FAM118B: variants seen among roughly 807,000 people sequenced by gnomAD.
FAM118B encodes the protein protein FAM118B.
FAM118B carries 24 observed loss-of-function variants against 38.5 expected under a neutral mutation model. That is an observed-to-expected ratio of 0.62 (90% CI 0.45 to 0.88). The LOEUF (loss-of-function observed/expected upper bound fraction) is 0.88. FAM118B is among the 40% of genes least tolerant of loss of function. The pLI is 0.00. For missense variants in FAM118B, 334 were observed against 420.0 expected (o/e 0.80, Z 1.79); for synonymous variants, 138 against 156.3 (o/e 0.88, Z 0.87).
rs186341958 is a variant in FAM118B, at chr11:126,261,729, C to T, written c.1042+245C>T. Among the ~76,000 whole-genome samples the T allele has an allele frequency of 2.0e-3, 300 of 152,286 alleles. 2 individuals carry two copies. The highest frequency in any genetic ancestry group is 6.4e-3 in the African/African-American group (268 of 41,556). Reference sequence around the variant, plus strand: ...TACTGCTGGGTGTGGTGGCTCAGGCCTGTAATCCCAGCACTTTGGGAGGCT... The same window carrying T: ...TACTGCTGGGTGTGGTGGCTCAGGCTTGTAATCCCAGCACTTTGGGAGGCT... On this transcript the variant is annotated intron_variant, in intron 8 of 8. Transcript: ENST00000533050.
At chr11:126,229,998 A>C (rs1950187813) in intron 2 of FAM118B, among the ~76,000 whole-genome samples, 1 of 152,186 alleles carries the variant, frequency 6.6e-6, no homozygotes, top group Non-Finnish European at 1.5e-5. Context: ...TGTGATACAG[A>C]TCTTATCTGA....
rs547731911 is a variant in FAM118B at position 126,251,785 on chromosome 11, T to C, written c.567+1052T>C. On this transcript the variant is annotated intron_variant, in intron 5 of 8. Coordinates refer to ENST00000533050, the MANE Select transcript of FAM118B (RefSeq NM_024556.4). ...TCGCTCTTGTTGCCCTGGGTTCAAG[T>C]GATTCTCCTGCCTCACCCTCCTGAG... Among the ~76,000 whole-genome samples, 10 of 150,942 alleles carry C rather than the reference T, an allele frequency of 6.6e-5. 1 individual carries two copies. The South Asian group carries it at 1.9e-3, about 29-fold the overall frequency.
At chr11:126,239,755 C>G (rs1950330982) in intron 3 of FAM118B, among the ~76,000 whole-genome samples, 1 of 152,204 alleles carries the variant, frequency 6.6e-6, no homozygotes, top group Non-Finnish European at 1.5e-5. Flanking sequence ...CTCAAGTAAT[C>G]AGCCCACCTT....
At position 126,262,567 on chromosome 11, in the gene FAM118B, C is replaced by T; in HGVS notation, c.*434C>T. The T allele has an allele frequency of 5.8e-6, 1 of 172,326 alleles. No individual in the cohort carries two copies. The highest frequency in any genetic ancestry group is 1.2e-5 in the Non-Finnish European group (1 of 81,354). 10.7% of individuals were successfully genotyped at this position (172,326 alleles called of 1,614,324 possible). A position where few individuals can be genotyped will look rare whatever the true frequency, so the allele number is the denominator to read the frequency against. ...GCTTAATGGCTTTTTTAAAACATGA[C>T]TTGAAGCTCTAGTTTTCTAGATCTT... On this transcript the variant is annotated 3_prime_UTR_variant, in exon 9 of 9. Coordinates refer to ENST00000533050, the MANE Select transcript of FAM118B (RefSeq NM_024556.4).
chr11:126,262,341 A>C lies in FAM118B; in HGVS notation c.*208A>C. 1 of 568,762 alleles carries C rather than the reference A, an allele frequency of 1.8e-6. No individual in the cohort carries two copies. The highest frequency in any genetic ancestry group is 3.2e-5 in the Admixed American group (1 of 31,278). 35.2% of individuals were successfully genotyped at this position (568,762 alleles called of 1,614,324 possible). A position where few individuals can be genotyped will look rare whatever the true frequency, so the allele number is the denominator to read the frequency against. ...GATATTCTGCCGCCTGTTCAAGTTC[A>C]AGAATAAAAGCGACAGCAGGACCCA... is the stretch of plus-strand genomic sequence containing the variant. On this transcript the variant is annotated 3_prime_UTR_variant, in exon 9 of 9. Transcript: ENST00000533050.
intron 8 of FAM118B, 28 bp from the exon 9 acceptor site, chr11:126,262,092 T>C: frequency 6.2e-7 from 1 of 1,613,896 alleles, no homozygotes. Context: ...TGAAACTTCA[T>C]TTTGTTCTCT....
chr11:126,223,089 A>C (rs923482356), intron 1 of FAM118B, among the ~76,000 whole-genome samples: 3 of 3,058 alleles, frequency 9.8e-4, no homozygotes, highest in African/African-American at 5.7e-3. Flanking sequence ...TGGGAACTTG[A>C]GGTGGGGCGG....
At chr11:126,258,354 T>A (rs1950614055) in intron 7 of FAM118B, among the ~76,000 whole-genome samples, 1 of 152,212 alleles carries the variant, frequency 6.6e-6, no homozygotes, top group African/African-American at 2.4e-5. Context: ...ATCACTGCCC[T>A]ACAGTCTGAG....
At chr11:126,213,783 A>G (rs866869610) in intron 1 of FAM118B, among the ~76,000 whole-genome samples, 3 of 152,210 alleles carry the variant, frequency 2.0e-5, no homozygotes, top group African/African-American at 2.4e-5. Context: ...TGTCATTGCT[A>G]GTGACACAGA....
At chr11:126,241,950 G>A (rs1008540546) in intron 4 of FAM118B, among the ~76,000 whole-genome samples, 8 of 150,938 alleles carry the variant, frequency 5.3e-5, no homozygotes, top group African/African-American at 9.7e-5. Context: ...GCTTGAACCC[G>A]GGAGGTGGAG....
At chr11:126,235,407 A>C (rs1950259892) in intron 3 of FAM118B, among the ~76,000 whole-genome samples, 1 of 151,704 alleles carries the variant, frequency 6.6e-6, no homozygotes, top group South Asian at 2.1e-4. Context: ...GGTTTTATTG[A>C]TTTCTGAGTA....
intron 1 of FAM118B, among the ~76,000 whole-genome samples, chr11:126,220,752 C>T (rs1297238455): frequency 2.0e-5 from 3 of 152,014 alleles, no homozygotes; most frequent in Admixed American, 1.3e-4. Flanking sequence ...GTTTTTAGAG[C>T]TATTTCTCCT....
At chr11:126,246,613 C>G (rs1380962070) in intron 4 of FAM118B, among the ~76,000 whole-genome samples, 1 of 151,902 alleles carries the variant, frequency 6.6e-6, no homozygotes, top group Non-Finnish European at 1.5e-5. Context: ...TTTTTTCTTT[C>G]TTTTTTTAAA....
rs12802963 is a variant in FAM118B at position 126,250,313 on chromosome 11, G to A, written c.340-193G>A. Reference sequence around the variant, plus strand: ...TCACCGTGTTAGCCAGGATGGTCTCGATCTCCTGACCTCGTGATCCGCCCG... The same window carrying A: ...TCACCGTGTTAGCCAGGATGGTCTCAATCTCCTGACCTCGTGATCCGCCCG... On this transcript the variant is annotated intron_variant, in intron 4 of 8. Transcript: ENST00000533050. This position sits in a 1 kb window ranked among gnomAD's most constrained non-coding sequence, Gnocchi z 5.1. Among the ~76,000 whole-genome samples the A allele has an allele frequency of 0.11, 16,443 of 152,014 alleles. 1,159 individuals are homozygous for A. The highest frequency in any genetic ancestry group is 0.16 in the Non-Finnish European group (10,541 of 67,948).
In FAM118B at chr11:126,226,841, T is replaced by G. The variant is rs113723493; in HGVS notation, c.-76-2384T>G. Among the ~76,000 whole-genome samples the G allele has an allele frequency of 6.9e-3, 1,042 of 151,484 alleles. 12 individuals carry two copies. The highest frequency in any genetic ancestry group is 0.024 in the African/African-American group (1,000 of 41,320). ...ACAAAAAATTAGCCAGGCATGGTGA[T>G]ATGCGCCTGTAGTCCCAGCTACCCG... On this transcript the variant is annotated intron_variant, in intron 1 of 8. Transcript: ENST00000533050.
chr11:126,250,529 A>G lies in FAM118B; in HGVS notation c.363A>G (p.Thr121=), dbSNP rs183426859. The G allele has an allele frequency of 2.8e-5, 45 of 1,613,928 alleles. No homozygotes were observed. The African/African-American group carries it at 5.3e-4, about 19-fold the overall frequency. The change falls in exon 5 of 9, where the codon ACA becomes ACG. Residue 121 remains threonine, a synonymous_variant. Coordinates refer to ENST00000533050, the MANE Select transcript of FAM118B (RefSeq NM_024556.4). This position sits in a 1 kb window ranked among gnomAD's most constrained non-coding sequence, Gnocchi z 5.1. ...LSPRTSNVRS[T]FFKDCLYEVF... ...AGCGTACCAGTAATGTTCGATCCAC[A>G]TTTTTCAAGGACTGTTTATATGAAG...
chr11:126,250,281 C>T lies in FAM118B; in HGVS notation c.340-225C>T, dbSNP rs1032989044. 7.2e-5 allele frequency among the ~76,000 whole-genome samples: 11 copies of T among 151,936 alleles called. No individual in the cohort carries two copies. The highest frequency in any genetic ancestry group is 1.7e-4 in the African/African-American group (7 of 41,356). On this transcript the variant is annotated intron_variant, in intron 4 of 8. Transcript: ENST00000533050. This position sits in a 1 kb window ranked among gnomAD's most constrained non-coding sequence, Gnocchi z 5.1. ...TAATTTTTTTTATTTTTAGTAGAGA[C>T]GGGGTTTCACCGTGTTAGCCAGGAT...
At chr11:126,223,784 C>T (rs1361624698) in intron 1 of FAM118B, among the ~76,000 whole-genome samples, 2 of 152,146 alleles carry the variant, frequency 1.3e-5, no homozygotes, top group East Asian at 3.9e-4. Flanking sequence ...ACATCAGAGA[C>T]TTGAGTTATA....
chr11:126,225,094 C>G (rs1173277495), intron 1 of FAM118B, among the ~76,000 whole-genome samples: 1 of 152,170 alleles, frequency 6.6e-6, no homozygotes, highest in African/African-American at 2.4e-5. Context: ...AGCCAAAAGG[C>G]TCTACTTTGC....
Sources: allele counts gnomAD v4.1 joint callset (sites outside exome capture counted in the v4.1 genomes callset), GRCh38; gene constraint gnomAD v4.1.1; non-coding constraint Gnocchi (gnomAD v3.1); transcripts MANE v1.5; gene names NCBI Gene and HGNC (gene_info 2026-07-23, HGNC 2026-07-21).